Variants in HDLBP observed in about 807,000 individuals in gnomAD.
HDLBP encodes the protein vigilin.
In HDLBP, 30 loss-of-function variants were observed where a neutral mutation model predicts 137.3. The ratio of observed to expected loss-of-function variants is 0.22; its 90% CI spans 0.16 to 0.30. HDLBP has a LOEUF of 0.30. HDLBP is among the 10% of genes least tolerant of loss of function. HDLBP has a pLI of 1.00. For synonymous variants in HDLBP, 606 were observed against 596.0 expected, an observed-to-expected ratio of 1.02 and a Z score of -0.24; for missense variants, 1,119 against 1,667.3, an observed-to-expected ratio of 0.67 and a Z score of 5.73.
At chr2:241,306,422 G>C (rs1575058953) in intron 1 of HDLBP, among the ~76,000 whole-genome samples, 4 of 151,984 alleles carry the variant, frequency 2.6e-5, no homozygotes, top group Admixed American at 2.6e-4. Flanking sequence ...ACCACGCCCG[G>C]CTAGTTTTGT....
intron 1 of HDLBP, among the ~76,000 whole-genome samples, chr2:241,313,845 G>A (rs188894057): frequency 5.3e-5 from 8 of 152,308 alleles, no homozygotes; most frequent in South Asian, 2.1e-4. Context: ...GCTGAGGGAC[G>A]TGATATAGGT....
Position 241,272,503 on chromosome 2 carries a change from G to A in HDLBP, c.-102-3962C>T, listed in dbSNP as rs540338050. The stretch of plus-strand genomic sequence containing the variant: ...CCACCGGACTTGAGAAAGTTTGTGC[G>A]CGCCCCTCCGCGCCACGGCCACGCG... On this transcript the variant is annotated intron_variant, in intron 1 of 27. Coordinates refer to ENST00000310931, the MANE Select transcript of HDLBP (RefSeq NM_005336.6). The surrounding 1 kb of genome is among the most constrained non-coding windows in gnomAD (Gnocchi z 5.6). The A allele has an allele frequency of 2.0e-6, 2 of 984,370 alleles. No homozygotes were observed. The highest frequency in any genetic ancestry group is 4.7e-5 in the South Asian group (1 of 21,270). 61.0% of individuals were successfully genotyped at this position (984,370 alleles called of 1,614,324 possible). A position where few individuals can be genotyped will look rare whatever the true frequency, so the allele number is the denominator to read the frequency against.
intron 24 of HDLBP, among the ~76,000 whole-genome samples, chr2:241,232,220 C>T (rs2069844985): frequency 6.6e-6 from 1 of 152,112 alleles, no homozygotes; most frequent in South Asian, 2.1e-4. Flanking sequence ...ATGACTGCTC[C>T]ACCCCACTTG....
At chr2:241,284,137 G>T (rs576792792) in intron 1 of HDLBP, among the ~76,000 whole-genome samples, 1 of 152,284 alleles carries the variant, frequency 6.6e-6, no homozygotes, top group East Asian at 1.9e-4. Flanking sequence ...TTTCATGCCT[G>T]CTAACAGCCA....
chr2:241,229,766 A>C, intron 27 of HDLBP, 67 bp downstream of exon 27: 1 of 1,599,250 alleles, frequency 6.3e-7, no homozygotes. Context: ...TGCCACCCTC[A>C]GGACACCAAG....
chr2:241,312,486 C>T (rs937994567), intron 1 of HDLBP, among the ~76,000 whole-genome samples: 3 of 152,128 alleles, frequency 2.0e-5, no homozygotes, highest in African/African-American at 4.8e-5. Flanking sequence ...CGTTGTGGTG[C>T]TTTTACAATT....
At chr2:241,279,117 A>G (rs1056752743) in intron 1 of HDLBP, among the ~76,000 whole-genome samples, 1 of 152,212 alleles carries the variant, frequency 6.6e-6, no homozygotes, top group Admixed American at 6.5e-5. Context: ...AAATACAGAA[A>G]TGACCTTAAT....
At position 241,272,310 on chromosome 2, in the gene HDLBP, G is replaced by GCC; in HGVS notation, c.-102-3771_-102-3770dup. ...GACCCCCACCCTGGCCGCACACGGC[G>GCC]CCCCCGCCGGAGCGGGGGAGGGGAG... On this transcript the variant is annotated intron_variant, in intron 1 of 27. Transcript: ENST00000310931. This position sits in a 1 kb window ranked among gnomAD's most constrained non-coding sequence, Gnocchi z 5.6. The GCC allele has an allele frequency of 1.0e-6, 1 of 982,114 alleles. No individual in the cohort carries two copies. Among genetic ancestry groups the GCC allele is most frequent in the Non-Finnish European group, 1.2e-6 (1 of 827,508 alleles). The allele number at this position is 982,114 out of a possible 1,614,324, so 60.8% of individuals were successfully genotyped here. A position where few individuals can be genotyped will look rare whatever the true frequency, so the allele number is the denominator to read the frequency against.
intron 23 of HDLBP, 126 bp downstream of exon 23, chr2:241,234,995 C>A: frequency 1.7e-6 from 2 of 1,164,408 alleles, no homozygotes; most frequent in Non-Finnish European, 2.4e-6. Context: ...CTGGCACTGC[C>A]TGCATCTCAC....
At chr2:241,244,697 G>C (rs1300887552) in intron 16 of HDLBP, among the ~76,000 whole-genome samples, 1 of 152,144 alleles carries the variant, frequency 6.6e-6, no homozygotes, top group Non-Finnish European at 1.5e-5. Context: ...TCAGACAGAA[G>C]GAAAATGAAG....
intron 1 of HDLBP, among the ~76,000 whole-genome samples, chr2:241,303,541 G>A (rs1559557109): frequency 6.6e-6 from 1 of 152,162 alleles, no homozygotes; most frequent in African/African-American, 2.4e-5. Context: ...ACTGAGCTTG[G>A]TCACAGAAGG....
chr2:241,313,930 A>G (rs2075860497), intron 1 of HDLBP, among the ~76,000 whole-genome samples: 1 of 152,202 alleles, frequency 6.6e-6, no homozygotes, highest in Non-Finnish European at 1.5e-5. Context: ...ACTCCTGATA[A>G]GATGAGCTAA....
intron 1 of HDLBP, among the ~76,000 whole-genome samples, chr2:241,284,132 T>A (rs2149627914): frequency 6.6e-6 from 1 of 152,362 alleles, no homozygotes; most frequent in African/African-American, 2.4e-5. Flanking sequence ...GTTGTTTTCA[T>A]GCCTGCTAAC....
intron 24 of HDLBP, 121 bp from the exon 25 acceptor site, chr2:241,231,065 G>T (rs925773904): frequency 2.4e-6 from 2 of 832,000 alleles, no homozygotes; most frequent in Non-Finnish European, 3.8e-6. Context: ...GCAACGTCAC[G>T]GCTGATTTAA....
intron 5 of HDLBP, among the ~76,000 whole-genome samples, chr2:241,257,161 A>G (rs1489527971): frequency 1.3e-5 from 2 of 152,250 alleles, no homozygotes; most frequent in Admixed American, 6.5e-5. Flanking sequence ...AGCAAAGAGA[A>G]AAGACTGAAA....
Position 241,229,190 on chromosome 2 carries a change from T to G in HDLBP, c.*411A>C, listed in dbSNP as rs1489485293. Reference sequence around the variant, plus strand: ...CCAAGGGAAACTGGCAGGAGGGAGGTGGGAAAGGAAGAGGGCAAACGTTTG... The same window carrying G: ...CCAAGGGAAACTGGCAGGAGGGAGGGGGGAAAGGAAGAGGGCAAACGTTTG... On this transcript the variant is annotated 3_prime_UTR_variant, in exon 28 of 28. Coordinates refer to ENST00000310931, the MANE Select transcript of HDLBP (RefSeq NM_005336.6). The G allele has an allele frequency of 3.8e-5, 7 of 185,622 alleles. No homozygotes were observed. The highest frequency in any genetic ancestry group is 3.4e-5 in the Non-Finnish European group (3 of 88,062). 11.5% of individuals were successfully genotyped at this position (185,622 alleles called of 1,614,324 possible). A position where few individuals can be genotyped will look rare whatever the true frequency, so the allele number is the denominator to read the frequency against.
At chr2:241,302,247 C>T (rs939655491) in intron 1 of HDLBP, among the ~76,000 whole-genome samples, 1 of 152,040 alleles carries the variant, frequency 6.6e-6, no homozygotes, top group African/African-American at 2.4e-5. Flanking sequence ...CTGAGCAAGA[C>T]CCTGTGTCAA....
intron 1 of HDLBP, among the ~76,000 whole-genome samples, chr2:241,309,804 T>C (rs1223069310): frequency 6.6e-6 from 1 of 152,250 alleles, no homozygotes; most frequent in Non-Finnish European, 1.5e-5. Flanking sequence ...AGCTCTTTTA[T>C]GGTTACTGCT....
At position 241,236,614 on chromosome 2, in the gene HDLBP, C is replaced by T; in HGVS notation, c.2904+1G>A. On this transcript the variant is annotated splice_donor_variant, in intron 21 of 27. Transcript: ENST00000310931. LOFTEE classifies it high-confidence loss of function. ...GTGGAGGGGGGCACATGGACACATA[C>T]CTCCAGAGCTTCCTTGGCAGCCTCA... The T allele has an allele frequency of 6.2e-7, 1 of 1,613,864 alleles. No individual in the cohort carries two copies. Among genetic ancestry groups the T allele is most frequent in the Non-Finnish European group, 8.5e-7 (1 of 1,179,824 alleles).
Sources: gnomAD v4.1 joint callset for allele counts (sites outside exome capture counted in the v4.1 genomes callset) on GRCh38, gnomAD v4.1.1 for gene constraint, Gnocchi (gnomAD v3.1) non-coding constraint, MANE v1.5 for transcripts, NCBI Gene and HGNC (gene_info 2026-07-23, HGNC 2026-07-21) for gene names.